The following NTN4 variants were observed in gnomAD, a reference collection of about 807,000 sequenced individuals.
NTN4 encodes the protein netrin 4.
Under a neutral mutation model 73.6 loss-of-function variants are expected in NTN4, and 32 were observed. That is an observed-to-expected ratio of 0.44 (90% CI 0.33 to 0.58). NTN4 has a LOEUF of 0.58. Ranked by LOEUF, NTN4 falls within the 20% of genes least tolerant of loss-of-function variation. The pLI is 0.04. For synonymous variants in NTN4, 258 were observed against 287.5 expected (o/e 0.90, Z 1.04); for missense variants, 654 against 798.3 (o/e 0.82, Z 2.18).
At chr12:95,769,089 G>C (rs1312677711) in intron 2 of NTN4, among the ~76,000 whole-genome samples, 2 of 152,196 alleles carry the variant, frequency 1.3e-5, no homozygotes, top group African/African-American at 4.8e-5. Flanking sequence ...AAGAAAGAGA[G>C]CGGAAGGGAA....
intron 3 of NTN4, among the ~76,000 whole-genome samples, chr12:95,732,657 C>T (rs570157951): frequency 1.2e-4 from 18 of 152,066 alleles, no homozygotes; most frequent in Admixed American, 7.9e-4. Context: ...CCTTGGCCTC[C>T]GAAAGTGCTG....
chr12:95,705,042 T>A (rs895603929), intron 5 of NTN4, among the ~76,000 whole-genome samples: 8 of 152,326 alleles, frequency 5.3e-5, no homozygotes, highest in African/African-American at 1.9e-4. Context: ...GTAGTAGTAG[T>A]TTTTAGCTTC....
chr12:95,776,505 G>A (rs1592717757), intron 2 of NTN4, among the ~76,000 whole-genome samples: 4 of 152,288 alleles, frequency 2.6e-5, no homozygotes, highest in Admixed American at 1.3e-4. Flanking sequence ...TGAGAACTAC[G>A]TGACACATGC....
intron 7 of NTN4, among the ~76,000 whole-genome samples, chr12:95,679,294 T>C (rs919456198): frequency 6.6e-6 from 1 of 152,210 alleles, no homozygotes; most frequent in Non-Finnish European, 1.5e-5. Flanking sequence ...ACTGTAATAA[T>C]ATATTGTGGT....
intron 5 of NTN4, among the ~76,000 whole-genome samples, chr12:95,704,807 A>C (rs979829042): frequency 6.6e-6 from 1 of 152,186 alleles, no homozygotes; most frequent in Admixed American, 6.5e-5. Flanking sequence ...GAATAGTCAC[A>C]AAGCGAATGG....
intron 2 of NTN4, among the ~76,000 whole-genome samples, chr12:95,785,235 T>C (rs773682552): frequency 8.1e-4 from 124 of 152,234 alleles, no homozygotes; most frequent in Non-Finnish European, 1.5e-3. Flanking sequence ...TTCAACTTCA[T>C]AGATACACAA....
chr12:95,697,429 T>G (rs959796959), intron 5 of NTN4, among the ~76,000 whole-genome samples: 1 of 152,228 alleles, frequency 6.6e-6, no homozygotes, highest in Non-Finnish European at 1.5e-5. Context: ...CTGGATAATC[T>G]GACAATATTT....
intron 3 of NTN4, among the ~76,000 whole-genome samples, chr12:95,735,970 G>C (rs1309832142): frequency 6.7e-6 from 1 of 148,502 alleles, no homozygotes; most frequent in Admixed American, 6.7e-5. Flanking sequence ...ACAGAGTCTT[G>C]CTTTGTCACT....
intron 2 of NTN4, among the ~76,000 whole-genome samples, chr12:95,751,520 A>G (rs1164302173): frequency 6.6e-6 from 1 of 152,078 alleles, no homozygotes; most frequent in Non-Finnish European, 1.5e-5. Flanking sequence ...GCCGCATCCC[A>G]TCTGTGTGGG....
chr12:95,671,017 G>A (rs1024921071), intron 7 of NTN4: 3 of 151,494 alleles, frequency 2.0e-5, no homozygotes, highest in Non-Finnish European at 2.9e-5. Flanking sequence ...TTTATCTATC[G>A]AGATGGAGTC....
At chr12:95,683,376 T>C in intron 6 of NTN4, 122 bp downstream of exon 6, 1 of 944,808 alleles carries the variant, frequency 1.1e-6, no homozygotes, top group Non-Finnish European at 1.6e-6. Flanking sequence ...AAAAATTCTT[T>C]AAAAGAGATG....
chr12:95,785,665 C>T (rs1371756709), intron 2 of NTN4, among the ~76,000 whole-genome samples: 5 of 152,202 alleles, frequency 3.3e-5, no homozygotes, highest in Admixed American at 1.3e-4. Flanking sequence ...CCCTGGCAAG[C>T]ACCTCCCCAT....
At position 95,705,848 on chromosome 12, in the gene NTN4, G is replaced by T. The variant is rs544891880; in HGVS notation, c.1180+4593C>A. On this transcript the variant is annotated intron_variant, in intron 5 of 9. Transcript: ENST00000343702. ...AAAGATGGTGTCTCTTTTGCTTACAGTTGTAATTCCCAGAAACTAGCACAC... is the reference window on the plus strand; with the variant it reads ...AAAGATGGTGTCTCTTTTGCTTACATTTGTAATTCCCAGAAACTAGCACAC... Among the ~76,000 whole-genome samples, 49 of 152,294 alleles carry T rather than the reference G, an allele frequency of 3.2e-4. 1 individual carries two copies. The South Asian group carries it at 8.9e-3, about 28-fold the overall frequency.
At chr12:95,687,836 T>C (rs117238685) in intron 5 of NTN4, among the ~76,000 whole-genome samples, 3 of 152,314 alleles carry the variant, frequency 2.0e-5, no homozygotes, top group East Asian at 1.9e-4. Context: ...TGGTACATCA[T>C]AGATGCCCTA....
intron 2 of NTN4, among the ~76,000 whole-genome samples, chr12:95,746,967 C>G (rs2078867532): frequency 6.6e-6 from 1 of 152,110 alleles, no homozygotes; most frequent in African/African-American, 2.4e-5. Context: ...GTCCTTATTA[C>G]CCATCCTGGA....
intron 5 of NTN4, among the ~76,000 whole-genome samples, chr12:95,692,169 G>A (rs1327331443): frequency 6.6e-6 from 1 of 152,042 alleles, no homozygotes; most frequent in Non-Finnish European, 1.5e-5. Flanking sequence ...CTGAGTAGCT[G>A]GGATTACAGG....
intron 5 of NTN4, among the ~76,000 whole-genome samples, chr12:95,696,115 G>C (rs2078439868): frequency 6.6e-6 from 1 of 151,694 alleles, no homozygotes; most frequent in African/African-American, 2.4e-5. Flanking sequence ...GTTATCCCTA[G>C]CTCCTTTTTC....
At chr12:95,764,150 G>A (rs951679661) in intron 2 of NTN4, among the ~76,000 whole-genome samples, 8 of 152,224 alleles carry the variant, frequency 5.3e-5, no homozygotes, top group Non-Finnish European at 1.0e-4. Context: ...TCATAGAAGG[G>A]TGGGGTTGTG....
intron 3 of NTN4, among the ~76,000 whole-genome samples, chr12:95,734,276 G>A (rs2078759838): frequency 3.3e-5 from 5 of 152,184 alleles, no homozygotes; most frequent in Admixed American, 2.6e-4. Context: ...AGCCACAGAC[G>A]AACTGGCATA....
Sources: allele counts gnomAD v4.1 joint callset (sites outside exome capture counted in the v4.1 genomes callset), GRCh38; gene constraint gnomAD v4.1.1; transcripts MANE v1.5; gene names NCBI Gene and HGNC (gene_info 2026-07-23, HGNC 2026-07-21).